DNAJC12: variants seen among roughly 807,000 people sequenced by gnomAD.
The protein encoded by DNAJC12 is DnaJ heat shock protein family (Hsp40) member C12, also known as dnaJ homolog subfamily C member 12.
Under a neutral mutation model 28.5 loss-of-function variants are expected in DNAJC12, and 25 were observed. That is an observed-to-expected ratio of 0.88 (90% confidence interval 0.64 to 1.22). The LOEUF (loss-of-function observed/expected upper bound fraction) is 1.22, where lower values mean the gene tolerates loss of function less well. Among genes scored for constraint, DNAJC12 ranks in the 50% most tolerant of loss-of-function variants. The pLI is 0.00. For synonymous variants in DNAJC12, 77 were observed against 80.6 expected, an observed-to-expected ratio of 0.95 and a Z score of 0.24; for missense variants, 222 against 231.7, an observed-to-expected ratio of 0.96 and a Z score of 0.27.
At chr10:67,824,188 A>G (rs571589380) in intron 1 of DNAJC12, among the ~76,000 whole-genome samples, 2 of 151,546 alleles carry the variant, frequency 1.3e-5, no homozygotes, top group South Asian at 4.2e-4. Context: ...GTGAGCCAAG[A>G]TCACACCACT....
intron 4 of DNAJC12, among the ~76,000 whole-genome samples, chr10:67,798,891 G>A (rs920461996): frequency 6.7e-6 from 1 of 150,270 alleles, no homozygotes; most frequent in African/African-American, 2.4e-5. Flanking sequence ...TCAGCCTCCC[G>A]AGTGCTGGGA....
Sources: allele counts gnomAD v4.1 joint callset (sites outside exome capture counted in the v4.1 genomes callset), GRCh38; gene constraint gnomAD v4.1.1; transcripts MANE v1.5; gene names NCBI Gene and HGNC (gene_info 2026-07-23, HGNC 2026-07-21).